Variants in MID2 observed in about 807,000 individuals in gnomAD.
MID2 encodes the protein midline 2, also known as probable E3 ubiquitin-protein ligase MID2.
Under a neutral mutation model 46.1 loss-of-function variants are expected in MID2, and 13 were observed. The ratio of observed to expected loss-of-function variants is 0.28; its 90% CI spans 0.18 to 0.45. MID2 has a LOEUF of 0.45. Among genes scored for constraint, MID2 ranks in the 20% least tolerant of loss-of-function variants. The probability of loss-of-function intolerance (pLI) is 1.00; values close to 1 mark genes in which losing one functional copy is unlikely to be tolerated. For synonymous variants in MID2, 199 were observed against 212.3 expected (o/e 0.94, Z 0.55); for missense variants, 431 against 575.4 (o/e 0.75, Z 2.57).
At chrX:107,847,350 GGATGCTCTGAA>G in intron 2 of MID2, among the ~76,000 whole-genome samples, 1 of 111,653 alleles carries the variant, frequency 9.0e-6, no homozygotes, top group South Asian at 3.7e-4. Flanking sequence ...GGTTTGCACA[GGATGCTCTGAA>G]GCACAGTGGA....
chrX:107,826,569 T>A, intron 1 of MID2, 139 bp downstream of exon 1: 1 of 770,354 alleles, frequency 1.3e-6, no homozygotes, highest in Non-Finnish European at 1.7e-6. Context: ...CGAGGCAGGG[T>A]GATGGGGCCC....
At chrX:107,887,492 T>A (rs1569467450) in intron 3 of MID2, among the ~76,000 whole-genome samples, 1 of 111,984 alleles carries the variant, frequency 8.9e-6, no homozygotes, top group East Asian at 2.8e-4. Context: ...TCATGGTGGA[T>A]AAGGTTTTTG....
chrX:107,917,838 G>A, intron 7 of MID2, 99 bp downstream of exon 7: 1 of 728,503 alleles, frequency 1.4e-6, no homozygotes, highest in Non-Finnish European at 2.1e-6. Context: ...TGGGTAACAA[G>A]CAAGTTGTAT....
intron 3 of MID2, among the ~76,000 whole-genome samples, chrX:107,897,644 G>A (rs1442824363): frequency 1.8e-5 from 2 of 111,181 alleles, no homozygotes; most frequent in South Asian, 7.6e-4. Flanking sequence ...CAGGGCTATA[G>A]TGCTGGTGGT....
At chrX:107,892,841 A>G (rs755404283) in intron 3 of MID2, among the ~76,000 whole-genome samples, 1 of 112,164 alleles carries the variant, frequency 8.9e-6, no homozygotes, top group Non-Finnish European at 1.9e-5. Context: ...TCCCCATCTT[A>G]TAAGCACCCA....
At chrX:107,894,438 G>T (rs903002819) in intron 3 of MID2, among the ~76,000 whole-genome samples, 1 of 111,781 alleles carries the variant, frequency 8.9e-6, no homozygotes, top group Non-Finnish European at 1.9e-5. Context: ...TCTCCTAGAG[G>T]TGTTGTTATT....
Position 107,840,812 on chromosome X carries a change from C to T in MID2, c.147C>T (p.Leu49=). The T allele has an allele frequency of 8.3e-7, 1 of 1,211,685 alleles. No homozygotes were observed. Among genetic ancestry groups the T allele is most frequent in the African/African-American group, 1.7e-5 (1 of 57,795 alleles). Residue 49 remains leucine (L), a synonymous_variant, in exon 2 of 10, where the codon CTC becomes CTT. Coordinates refer to ENST00000262843, the MANE Select transcript of MID2 (RefSeq NM_012216.4). ...TTCTGCTCCCTTGTGCTCACAGCCT[C>T]TGCTTCAGCTGTGCCCATCGCATTT... ...DPLLLPCAHS[L]CFSCAHRILV...
At chrX:107,847,147 G>A (rs187816681) in intron 2 of MID2, among the ~76,000 whole-genome samples, 56 of 112,315 alleles carry the variant, frequency 5.0e-4, no homozygotes, top group African/African-American at 1.7e-3. Flanking sequence ...AGGGATTTAG[G>A]CTAGGGATTC....
At chrX:107,901,917 G>A (rs772865434) in intron 3 of MID2, among the ~76,000 whole-genome samples, 1 of 112,014 alleles carries the variant, frequency 8.9e-6, no homozygotes, top group South Asian at 3.8e-4. Context: ...AGTCTGAAGT[G>A]ACTAATGAGA....
chrX:107,903,320 T>A (rs1932809466), intron 3 of MID2, among the ~76,000 whole-genome samples: 1 of 104,761 alleles, frequency 9.5e-6, no homozygotes, highest in African/African-American at 3.6e-5. Flanking sequence ...AAATGCAGAA[T>A]GGTAGTTTTT....
At chrX:107,834,452 C>T (rs1931161680) in intron 1 of MID2, among the ~76,000 whole-genome samples, 1 of 112,156 alleles carries the variant, frequency 8.9e-6, no homozygotes, top group Admixed American at 9.5e-5. Context: ...ATCAGATTCA[C>T]ATCCTGTCTT....
At position 107,884,513 on chromosome X, in the gene MID2, A is replaced by G. The variant is rs758424824; in HGVS notation, c.817-19445A>G. Among the ~76,000 whole-genome samples, 8 of 112,491 alleles carry G rather than the reference A, an allele frequency of 7.1e-5. No individual in the cohort carries two copies. In the East Asian group the frequency reaches 2.0e-3, roughly 27 times the overall value. On this transcript the variant is annotated intron_variant, in intron 3 of 9. Transcript: ENST00000262843. ...TGAAGTCACTTGGCTTTCAAGCGTC[A>G]AAGCAGGAATGCAGATTCAGGCCAG...
intron 2 of MID2, among the ~76,000 whole-genome samples, chrX:107,851,858 TA>T (rs1931629611): frequency 1.5e-3 from 9 of 5,859 alleles, no homozygotes; most frequent in Admixed American, 9.3e-3. Context: ...TTATACTTTT[TA>T]TTTATTTATT....
rs1166397941 is a variant in MID2 at position 107,841,046 on chromosome X, G to A, written c.381G>A (p.Arg127=). ...AGAGCCGCCGGGAAAGGACTTACAG[G>A]CCCACCACTGCCATGTCTAGCGAGC... The part of the protein sequence containing the change: ...PSESRRERTY[R]PTTAMSSERI... Residue 127 remains arginine, a synonymous_variant, in exon 2 of 10, where the codon AGG becomes AGA. Transcript: ENST00000262843. 4 of 1,209,340 alleles carry A rather than the reference G, an allele frequency of 3.3e-6. No individual in the cohort carries two copies. Among genetic ancestry groups the A allele is most frequent in the Non-Finnish European group, 4.5e-6 (4 of 895,112 alleles).
intron 5 of MID2, among the ~76,000 whole-genome samples, chrX:107,913,890 A>G (rs1487222467): frequency 1.8e-5 from 2 of 111,962 alleles, no homozygotes; most frequent in Non-Finnish European, 3.8e-5. Flanking sequence ...TCTTAAGATA[A>G]AATCCAACGT....
chrX:107,832,703 AAAAGT>A (rs1931117388), intron 1 of MID2, among the ~76,000 whole-genome samples: 1 of 111,666 alleles, frequency 9.0e-6, no homozygotes, highest in South Asian at 3.8e-4. Context: ...AAATAATTTG[AAAAGT>A]ATAAATTGAT....
At chrX:107,903,902 G>T in intron 3 of MID2, 56 bp from the exon 4 acceptor site, 1 of 884,610 alleles carries the variant, frequency 1.1e-6, no homozygotes. Context: ...ACCTTTTAGA[G>T]CCAGCAGGGG....
At chrX:107,844,904 T>C (rs1292168059) in intron 2 of MID2, among the ~76,000 whole-genome samples, 2 of 112,228 alleles carry the variant, frequency 1.8e-5, no homozygotes, top group Non-Finnish European at 3.8e-5. Flanking sequence ...TCAGAAATAA[T>C]GTCTTGTATT....
chrX:107,889,938 A>C (rs1270244430), intron 3 of MID2, among the ~76,000 whole-genome samples: 3 of 111,770 alleles, frequency 2.7e-5, no homozygotes, highest in Non-Finnish European at 5.6e-5. Flanking sequence ...CATTCATCAC[A>C]TAGTTCTCGT....
Sources: gnomAD v4.1 joint callset for allele counts (sites outside exome capture counted in the v4.1 genomes callset) on GRCh38, gnomAD v4.1.1 for gene constraint, MANE v1.5 for transcripts, NCBI Gene and HGNC (gene_info 2026-07-23, HGNC 2026-07-21) for gene names.